Variants in PCDH15 observed in about 807,000 individuals in gnomAD.
The protein encoded by PCDH15 is protocadherin-15.
Under a neutral mutation model 178.5 loss-of-function variants are expected in PCDH15, and 129 were observed. The observed-to-expected ratio is 0.72, with a 90% CI of 0.63 to 0.84. The LOEUF is 0.84. Among genes scored for constraint, PCDH15 ranks in the 40% least tolerant of loss-of-function variants. PCDH15 has a pLI of 0.00. For missense variants in PCDH15, 2,230 were observed against 2,099.9 expected (o/e 1.06, Z -1.21); for synonymous variants, 800 against 732.0 (o/e 1.09, Z -1.50).
chr10:54,493,177 C>G (rs2079769193), intron 3 of PCDH15, among the ~76,000 whole-genome samples: 2 of 152,016 alleles, frequency 1.3e-5, no homozygotes, highest in Non-Finnish European at 2.9e-5. Flanking sequence ...CCATATCACA[C>G]AGTTATATAA....
intron 2 of PCDH15, among the ~76,000 whole-genome samples, chr10:55,045,480 T>A (rs1840978092): frequency 6.6e-6 from 1 of 152,112 alleles, no homozygotes; most frequent in African/African-American, 2.4e-5. Context: ...CAGAAGTCAA[T>A]CTGTTTCACA....
chr10:54,775,655 T>C (rs1487747486), intron 1 of PCDH15, among the ~76,000 whole-genome samples: 3 of 152,150 alleles, frequency 2.0e-5, no homozygotes, highest in Admixed American at 6.6e-5. Context: ...CCCAGTACTC[T>C]GGGAGGCCGA....
chr10:54,576,661 A>G (rs767199831), intron 2 of PCDH15, among the ~76,000 whole-genome samples: 58 of 152,326 alleles, frequency 3.8e-4, no homozygotes, highest in Non-Finnish European at 6.9e-4. Flanking sequence ...AGTCAGTCTA[A>G]AAAGATGCAA....
At chr10:54,431,180 T>C (rs1956927242) in intron 3 of PCDH15, among the ~76,000 whole-genome samples, 1 of 152,142 alleles carries the variant, frequency 6.6e-6, no homozygotes, top group South Asian at 2.1e-4. Context: ...CTACCACACA[T>C]TTAAAGAACT....
chr10:54,205,631 C>T (rs546728188), intron 10 of PCDH15, among the ~76,000 whole-genome samples: 88 of 151,682 alleles, frequency 5.8e-4, no homozygotes, highest in Non-Finnish European at 1.0e-3. Context: ...TGGCAAACAC[C>T]ACAATTATGT....
intron 2 of PCDH15, among the ~76,000 whole-genome samples, chr10:55,334,059 T>A (rs971791746): frequency 6.6e-6 from 1 of 151,124 alleles, no homozygotes; most frequent in African/African-American, 2.4e-5. Flanking sequence ...TTGTCATTTA[T>A]ATTTTTGGCT....
chr10:54,991,052 G>T (rs1839486560), intron 2 of PCDH15, among the ~76,000 whole-genome samples: 1 of 151,634 alleles, frequency 6.6e-6, no homozygotes, highest in African/African-American at 2.4e-5. Context: ...TCTATTTCTT[G>T]CTTTGAAGTC....
At position 53,805,859 on chromosome 10, in the gene PCDH15, T is replaced by TAA. The variant is rs1026734299; in HGVS notation, c.*718_*719dup. The TAA allele has an allele frequency of 1.3e-5, 2 of 150,636 alleles. No homozygotes were observed. The highest frequency in any genetic ancestry group is 5.0e-5 in the African/African-American group (2 of 40,154). The allele number at this position is 150,636 out of a possible 1,614,324, so 9.3% of individuals were successfully genotyped here. A position where few individuals can be genotyped will look rare whatever the true frequency, so the allele number is the denominator to read the frequency against. ...ATTATTTAACCTCAAGTGATTAAAC[T>TAA]AAACTAAAGTATCTACCATATTTGA... On this transcript the variant is annotated 3_prime_UTR_variant, in exon 38 of 38. Transcript: ENST00000644397.
At chr10:54,180,219 C>T (rs2047857365) in intron 13 of PCDH15, among the ~76,000 whole-genome samples, 1 of 152,134 alleles carries the variant, frequency 6.6e-6, no homozygotes, top group South Asian at 2.1e-4. Flanking sequence ...GAGAATCACT[C>T]CAGGCTTTTT....
At chr10:54,823,729 C>A (rs142189968) in intron 3 of PCDH15, among the ~76,000 whole-genome samples, 25 of 151,912 alleles carry the variant, frequency 1.6e-4, no homozygotes, top group Middle Eastern at 6.8e-3. Flanking sequence ...TATTCTACTT[C>A]ATTTTTCTGC....
intron 1 of PCDH15, among the ~76,000 whole-genome samples, chr10:55,203,269 C>G (rs1018743586): frequency 3.3e-5 from 5 of 151,948 alleles, no homozygotes; most frequent in South Asian, 4.2e-4. Flanking sequence ...CATTTGTTTT[C>G]TCAGCCTTAA....
At chr10:54,621,365 A>C (rs2093343787) in intron 2 of PCDH15, among the ~76,000 whole-genome samples, 1 of 151,912 alleles carries the variant, frequency 6.6e-6, no homozygotes, top group Non-Finnish European at 1.5e-5. Context: ...ATACCTCCTC[A>C]AGATTATTTT....
chr10:54,507,454 C>T (rs1449248169), intron 3 of PCDH15, among the ~76,000 whole-genome samples: 1 of 151,374 alleles, frequency 6.6e-6, no homozygotes, highest in Non-Finnish European at 1.5e-5. Flanking sequence ...GGATGCATTC[C>T]TTTTGAAAAC....
chr10:54,144,507 C>T (rs1421166223), intron 14 of PCDH15, among the ~76,000 whole-genome samples: 1 of 152,070 alleles, frequency 6.6e-6, no homozygotes, highest in Non-Finnish European at 1.5e-5. Flanking sequence ...GCTTTCTTGC[C>T]CCTCCCTAGT....
chr10:54,731,539 G>GATATATATATATATATAT (rs1943337658), intron 1 of PCDH15, among the ~76,000 whole-genome samples: 3 of 33,250 alleles, frequency 9.0e-5, no homozygotes. Context: ...AAGAAAATGT[G>GATATATATATATATATAT]AGATAGATAT....
chr10:54,056,660 A>G lies in PCDH15; in HGVS notation c.2220+10097T>C, dbSNP rs2093895407. Among the ~76,000 whole-genome samples, 4 of 152,230 alleles carry G rather than the reference A, an allele frequency of 2.6e-5. No homozygotes were observed. The South Asian group carries it at 8.3e-4, about 32-fold the overall frequency. ...GATGAGGACACAGCCAAACCATATC[A>G]TCCCATCCCCAGCCCCTCCCAAATC... On this transcript the variant is annotated intron_variant, in intron 18 of 37. Coordinates refer to ENST00000644397, the MANE Select transcript of PCDH15 (RefSeq NM_001384140.1).
chr10:55,288,742 T>C (rs1475913967), intron 1 of PCDH15, among the ~76,000 whole-genome samples: 1 of 152,008 alleles, frequency 6.6e-6, no homozygotes, highest in South Asian at 2.1e-4. Flanking sequence ...GATTTCATTG[T>C]ATGTACATAC....
chr10:54,228,477 TG>T (rs1460893081), intron 9 of PCDH15, among the ~76,000 whole-genome samples: 1 of 152,164 alleles, frequency 6.6e-6, no homozygotes, highest in Non-Finnish European at 1.5e-5. Flanking sequence ...AAATGAGATT[TG>T]GGTGGTGACA....
intron 2 of PCDH15, among the ~76,000 whole-genome samples, chr10:55,521,297 C>A (rs1336018671): frequency 6.6e-6 from 1 of 151,940 alleles, no homozygotes; most frequent in Non-Finnish European, 1.5e-5. Context: ...TATACAGATG[C>A]TCCTCAATTT....
Sources: gnomAD v4.1 joint callset for allele counts (sites outside exome capture counted in the v4.1 genomes callset) on GRCh38, gnomAD v4.1.1 for gene constraint, MANE v1.5 for transcripts, NCBI Gene and HGNC (gene_info 2026-07-23, HGNC 2026-07-21) for gene names.